FAT3: variants seen among roughly 807,000 people sequenced by gnomAD.
FAT3 encodes the protein protocadherin Fat 3.
In FAT3, 95 loss-of-function variants were observed where a neutral mutation model predicts 310.2. That is an observed-to-expected ratio of 0.31 (90% confidence interval 0.26 to 0.36). The LOEUF is 0.36. FAT3 is among the 10% of genes least tolerant of loss of function. The pLI, the probability that FAT3 is intolerant of heterozygous loss-of-function variation, is 1.00. For synonymous variants in FAT3, 2,314 were observed against 2,192.9 expected (o/e 1.06, Z -1.54); for missense variants, 5,408 against 5,715.6 (o/e 0.95, Z 1.74).
chr11:92,435,500 T>TTCCTTCCTTCCTTCCC, intron 2 of FAT3, among the ~76,000 whole-genome samples: 2 of 148,830 alleles, frequency 1.3e-5, no homozygotes. Flanking sequence ...CCTTCCTTCC[T>TTCCTTCCTTCCTTCCC]TCCTTCCTTC....
At chr11:92,386,610 T>C (rs1949628366) in intron 2 of FAT3, among the ~76,000 whole-genome samples, 1 of 152,194 alleles carries the variant, frequency 6.6e-6, no homozygotes, top group South Asian at 2.1e-4. Flanking sequence ...TAGATAGTTG[T>C]TGAATGAATG....
At chr11:92,255,929 C>T (rs924960161) in intron 1 of FAT3, among the ~76,000 whole-genome samples, 3 of 152,092 alleles carry the variant, frequency 2.0e-5, no homozygotes, top group African/African-American at 7.2e-5. Flanking sequence ...GCATTCATTG[C>T]CCAAAGAGTC....
intron 4 of FAT3, among the ~76,000 whole-genome samples, chr11:92,720,976 G>A (rs753368515): frequency 1.2e-4 from 19 of 152,116 alleles, no homozygotes; most frequent in Non-Finnish European, 2.8e-4. Flanking sequence ...AGTGGTACAT[G>A]TGCAGGATGT....
chr11:92,691,152 A>G (rs1421730370), intron 3 of FAT3, among the ~76,000 whole-genome samples: 3 of 152,200 alleles, frequency 2.0e-5, no homozygotes, highest in Non-Finnish European at 2.9e-5. Context: ...AATATTCCTT[A>G]TATTACTGTA....
At position 92,251,423 on chromosome 11, in the gene FAT3, CA is replaced by C. The variant is rs1006802141; in HGVS notation, c.-18+26256del. 1.3e-4 allele frequency among the ~76,000 whole-genome samples: 20 copies of C among 151,704 alleles called. No individual in the cohort carries two copies. The East Asian group carries it at 3.9e-3, about 29-fold the overall frequency. The stretch of plus-strand genomic sequence containing the variant: ...TTAGGAATATTTAGAATGTGACAGG[CA>C]AAAAAAGCAGGTACTTAATTCTTAA... On this transcript the variant is annotated intron_variant, in intron 1 of 27. Coordinates refer to ENST00000525166, the MANE Select transcript of FAT3 (RefSeq NM_001367949.2).
At chr11:92,575,483 T>A (rs1249886809) in intron 3 of FAT3, among the ~76,000 whole-genome samples, 1 of 152,222 alleles carries the variant, frequency 6.6e-6, no homozygotes, top group Non-Finnish European at 1.5e-5. Flanking sequence ...AACTTCATTA[T>A]CTAAGTACAA....
At chr11:92,551,143 G>C (rs995074721) in intron 3 of FAT3, among the ~76,000 whole-genome samples, 2 of 152,024 alleles carry the variant, frequency 1.3e-5, no homozygotes, top group African/African-American at 4.8e-5. Context: ...CCAAAGGTTA[G>C]TTAGAGACCA....
intron 2 of FAT3, among the ~76,000 whole-genome samples, chr11:92,356,976 T>C (rs1481781696): frequency 6.6e-6 from 1 of 152,202 alleles, no homozygotes; most frequent in Non-Finnish European, 1.5e-5. Context: ...AAAATTGGTC[T>C]CCGTGGCTAT....
chr11:92,314,190 C>T (rs1240676388), intron 1 of FAT3: 1 of 436,980 alleles, frequency 2.3e-6, no homozygotes, highest in Non-Finnish European at 3.0e-6. Flanking sequence ...TGATTAGATA[C>T]TTGGTCCAAT....
intron 2 of FAT3, among the ~76,000 whole-genome samples, chr11:92,517,127 A>G (rs1591390983): frequency 6.6e-6 from 1 of 152,180 alleles, no homozygotes; most frequent in Admixed American, 6.5e-5. Context: ...ATTGGAAAAA[A>G]CTACTTTAAA....
At chr11:92,794,821 G>T (rs1271308375) in intron 9 of FAT3, among the ~76,000 whole-genome samples, 1 of 152,192 alleles carries the variant, frequency 6.6e-6, no homozygotes, top group Non-Finnish European at 1.5e-5. Context: ...GACCAGCAGG[G>T]CTCTTCACAG....
At chr11:92,265,614 G>C (rs986346037) in intron 1 of FAT3, among the ~76,000 whole-genome samples, 2 of 152,016 alleles carry the variant, frequency 1.3e-5, no homozygotes, top group African/African-American at 4.8e-5. Context: ...AACTAAGTAG[G>C]CTATAAATAA....
intron 7 of FAT3, among the ~76,000 whole-genome samples, chr11:92,783,029 C>A (rs541654839): frequency 1.3e-5 from 2 of 152,298 alleles, no homozygotes; most frequent in African/African-American, 2.4e-5. Flanking sequence ...GTTTTTCTTT[C>A]GTCTCCTTTT....
At chr11:92,460,911 A>C (rs943392370) in intron 2 of FAT3, among the ~76,000 whole-genome samples, 1 of 152,204 alleles carries the variant, frequency 6.6e-6, no homozygotes, top group African/African-American at 2.4e-5. Context: ...CACTACAGAC[A>C]TGTTGTGAAA....
chr11:92,764,494 C>T (rs1208466886), intron 5 of FAT3, among the ~76,000 whole-genome samples: 1 of 152,204 alleles, frequency 6.6e-6, no homozygotes, highest in Non-Finnish European at 1.5e-5. Context: ...AATGCACTTT[C>T]TTCCCTTTCA....
chr11:92,553,675 C>CCTTCCTT lies in FAT3; in HGVS notation c.3607+28728_3607+28729insTTCCTTC, dbSNP rs1954898483. ...TAGACATAAATTCTAGAATCTCCGT[C>CCTTCCTT]CCTTCCTTCCTTCCTTCCTTCCTTC... On this transcript the variant is annotated intron_variant, in intron 3 of 27. Transcript: ENST00000525166. Among the ~76,000 whole-genome samples the CCTTCCTT allele has an allele frequency of 4.4e-4, 48 of 108,360 alleles. 1 individual carries two copies. Among genetic ancestry groups the CCTTCCTT allele is most frequent in the Middle Eastern group, 5.6e-3 (1 of 180 alleles). 71.1% of individuals were successfully genotyped at this position (108,360 alleles called of 152,430 possible).
At chr11:92,342,860 A>G (rs1206299934) in intron 1 of FAT3, among the ~76,000 whole-genome samples, 2 of 152,166 alleles carry the variant, frequency 1.3e-5, no homozygotes, top group Admixed American at 1.3e-4. Flanking sequence ...CAAGCATAGG[A>G]GCAAATTATA....
intron 2 of FAT3, among the ~76,000 whole-genome samples, chr11:92,403,016 A>G (rs537129031): frequency 5.9e-5 from 9 of 152,304 alleles, no homozygotes; most frequent in Admixed American, 4.6e-4. Flanking sequence ...CCTCCACCCA[A>G]CCATGCCTCC....
At chr11:92,374,671 A>G (rs1385656986) in intron 2 of FAT3, among the ~76,000 whole-genome samples, 1 of 152,184 alleles carries the variant, frequency 6.6e-6, no homozygotes, top group Non-Finnish European at 1.5e-5. Context: ...ACTATTTAAG[A>G]GTGAATCAAA....
Sources: gnomAD v4.1 joint callset for allele counts (sites outside exome capture counted in the v4.1 genomes callset) on GRCh38, gnomAD v4.1.1 for gene constraint, MANE v1.5 for transcripts, NCBI Gene and HGNC (gene_info 2026-07-23, HGNC 2026-07-21) for gene names.